SCAF8: variants seen among roughly 807,000 people sequenced by gnomAD.
SCAF8 encodes SR-related CTD associated factor 8, also known as SR-related and CTD-associated factor 8.
A neutral mutation model predicts 140.5 loss-of-function variants in SCAF8; 23 were observed. The observed-to-expected ratio is 0.16, with a 90% CI of 0.12 to 0.23. SCAF8 has a LOEUF of 0.23. SCAF8 is among the 10% of genes least tolerant of loss of function. The probability of loss-of-function intolerance (pLI) is 1.00; values close to 1 mark genes in which losing one functional copy is unlikely to be tolerated. For missense variants in SCAF8, 1,397 were observed against 1,555.7 expected (o/e 0.90, Z 1.72); for synonymous variants, 575 against 528.9 (o/e 1.09, Z -1.20).
intron 2 of SCAF8, among the ~76,000 whole-genome samples, chr6:154,775,751 T>A (rs1466838650): frequency 1.3e-5 from 2 of 151,898 alleles, no homozygotes; most frequent in Non-Finnish European, 2.9e-5. Context: ...AAAGTTTTTT[T>A]AAAAAAAGAA....
intron 1 of SCAF8, among the ~76,000 whole-genome samples, chr6:154,745,344 T>C (rs1778672042): frequency 1.3e-5 from 2 of 152,238 alleles, no homozygotes; most frequent in Non-Finnish European, 2.9e-5. Context: ...TGTCCACATA[T>C]TCCATTAATA....
intron 6 of SCAF8, among the ~76,000 whole-genome samples, chr6:154,801,088 G>T (rs1777758171): frequency 6.6e-6 from 1 of 151,360 alleles, no homozygotes; most frequent in Admixed American, 6.6e-5. Context: ...ATGTCAAAAG[G>T]AGCAGTTAAA....
chr6:154,826,814 A>G (rs1221766159), intron 17 of SCAF8, among the ~76,000 whole-genome samples: 1 of 152,224 alleles, frequency 6.6e-6, no homozygotes, highest in East Asian at 1.9e-4. Flanking sequence ...GTTAACGGAA[A>G]TATTTTGATC....
intron 4 of SCAF8, among the ~76,000 whole-genome samples, chr6:154,792,132 A>G (rs1562448322): frequency 6.6e-6 from 1 of 152,184 alleles, no homozygotes; most frequent in Non-Finnish European, 1.5e-5. Flanking sequence ...TGCCAGTATG[A>G]CATTGACATT....
At chr6:154,818,670 A>G in intron 14 of SCAF8, 78 bp downstream of exon 14, 1 of 615,406 alleles carries the variant, frequency 1.6e-6, no homozygotes, top group Non-Finnish European at 2.9e-6. Context: ...TGAGTTTTTC[A>G]CAAGAGGGTC....
intron 2 of SCAF8, among the ~76,000 whole-genome samples, chr6:154,775,721 G>A (rs1255896068): frequency 4.6e-5 from 7 of 151,990 alleles, no homozygotes; most frequent in African/African-American, 9.7e-5. Context: ...CCTGGGCAAC[G>A]CAGTAAGATC....
chr6:154,816,352 G>T (rs900404013), intron 13 of SCAF8, among the ~76,000 whole-genome samples: 1 of 152,168 alleles, frequency 6.6e-6, no homozygotes, highest in Admixed American at 6.5e-5. Context: ...CTAGTAAGTT[G>T]AGCATAACTC....
intron 3 of SCAF8, among the ~76,000 whole-genome samples, chr6:154,784,118 G>GAGAT (rs1010305103): frequency 5.1e-5 from 3 of 58,386 alleles, no homozygotes; most frequent in East Asian, 6.7e-4. Context: ...CTGGTGTCTT[G>GAGAT]AGATATATAT....
intron 13 of SCAF8, among the ~76,000 whole-genome samples, chr6:154,817,547 A>G (rs1778289850): frequency 6.6e-6 from 1 of 152,186 alleles, no homozygotes; most frequent in African/African-American, 2.4e-5. Flanking sequence ...GAAGAGAGTA[A>G]AGTATTTTCC....
At chr6:154,737,141 C>G (rs1314555056) in intron 1 of SCAF8, among the ~76,000 whole-genome samples, 1 of 151,918 alleles carries the variant, frequency 6.6e-6, no homozygotes, top group Non-Finnish European at 1.5e-5. Context: ...TTACAAATTA[C>G]AAAAATTAAA....
At position 154,795,011 on chromosome 6, in the gene SCAF8, A is replaced by T; in HGVS notation, c.478A>T (p.Thr160Ser). The change falls in exon 6 of 20, where the codon ACT becomes TCT. Residue 160 changes from threonine to serine, a missense_variant and splice_region_variant. Physicochemically the swap from Thr to Ser is moderately conservative, Grantham distance 58. Around this residue, in one of 5 missense-constraint regions of SCAF8, gnomAD observed 339 missense variants for 407.5 expected, o/e 0.83. Coordinates refer to ENST00000367178, the MANE Select transcript of SCAF8 (RefSeq NM_014892.5). ...GGGTGTGATGTTCTTTTTAAAAGGAACTCCTGTGACACCTGTTACTCCGGC... is the reference window on the plus strand; with the variant it reads ...GGGTGTGATGTTCTTTTTAAAAGGATCTCCTGTGACACCTGTTACTCCGGC... Reference protein sequence around the residue: ...TTTAMSNTPGTPVTPVTPANV... With the variant: ...TTTAMSNTPGSPVTPVTPANV... 1.3e-6 allele frequency: 2 copies of T among 1,589,400 alleles called. No individual in the cohort carries two copies. The highest frequency in any genetic ancestry group is 1.7e-6 in the Non-Finnish European group (2 of 1,171,970).
At chr6:154,823,613 C>T (rs990683931) in intron 16 of SCAF8, among the ~76,000 whole-genome samples, 5 of 152,136 alleles carry the variant, frequency 3.3e-5, no homozygotes, top group African/African-American at 1.2e-4. Flanking sequence ...ATAGAGTTAC[C>T]ATTATCTGAG....
chr6:154,816,556 A>G (rs1048980103), intron 13 of SCAF8, among the ~76,000 whole-genome samples: 2 of 151,956 alleles, frequency 1.3e-5, no homozygotes, highest in Admixed American at 1.3e-4. Flanking sequence ...TTTTGTAGTC[A>G]TTTGTTTGGG....
intron 1 of SCAF8, among the ~76,000 whole-genome samples, chr6:154,747,020 A>C (rs1778716277): frequency 6.6e-6 from 1 of 152,210 alleles, no homozygotes; most frequent in Non-Finnish European, 1.5e-5. Context: ...AGGGGCTTAG[A>C]TATGGAAAAG....
chr6:154,812,176 CTTTTTTTTTT>C (rs67493657), intron 12 of SCAF8, among the ~76,000 whole-genome samples: 2 of 106,404 alleles, frequency 1.9e-5, no homozygotes, highest in African/African-American at 3.8e-5. Context: ...AAGATACTGC[CTTTTTTTTTT>C]TTTTTTTTTT....
At chr6:154,792,732 T>G (rs1256404294) in intron 4 of SCAF8, 91 bp from the exon 5 acceptor site, 1 of 841,480 alleles carries the variant, frequency 1.2e-6, no homozygotes, top group African/African-American at 1.8e-5. Context: ...AATTTCTCCT[T>G]TCCATCCAGG....
chr6:154,814,241 C>A (rs1031028693), intron 12 of SCAF8, among the ~76,000 whole-genome samples: 2 of 152,076 alleles, frequency 1.3e-5, no homozygotes, highest in African/African-American at 4.8e-5. Context: ...TCACTTGAGC[C>A]CGGGAGGTGA....
At chr6:154,743,168 G>A (rs1256205205) in intron 1 of SCAF8, among the ~76,000 whole-genome samples, 4 of 152,306 alleles carry the variant, frequency 2.6e-5, no homozygotes, top group African/African-American at 9.6e-5. Flanking sequence ...TCCGTTCTTA[G>A]CATTTTGCCT....
Position 154,834,126 on chromosome 6 carries a change from G to A in SCAF8, c.*731G>A, listed in dbSNP as rs1778829254. On this transcript the variant is annotated 3_prime_UTR_variant, in exon 20 of 20. Transcript: ENST00000367178. ...TAAAACCTTGAATTATTATTAGCAT[G>A]TGCTTATTTTTTGCAAAAGCTTTCT... 1.3e-5 allele frequency: 2 copies of A among 152,124 alleles called. No homozygotes were observed. The highest frequency in any genetic ancestry group is 1.5e-5 in the Non-Finnish European group (1 of 68,014). The allele number at this position is 152,124 out of a possible 1,614,324, so 9.4% of individuals were successfully genotyped here.
Sources: allele counts gnomAD v4.1 joint callset (sites outside exome capture counted in the v4.1 genomes callset), GRCh38; gene constraint gnomAD v4.1.1; regional missense constraint gnomAD v4.1.1; transcripts MANE v1.5; gene names NCBI Gene and HGNC (gene_info 2026-07-23, HGNC 2026-07-21).